ADAM12: variants seen among roughly 807,000 people sequenced by gnomAD.
ADAM12 encodes disintegrin and metalloproteinase domain-containing protein 12.
In ADAM12, 70 loss-of-function variants were observed where a neutral mutation model predicts 106.4. The ratio of observed to expected loss-of-function variants is 0.66; its 90% CI spans 0.54 to 0.80. ADAM12 has a LOEUF of 0.80. Ranked by LOEUF, ADAM12 falls within the 30% of genes least tolerant of loss-of-function variation. The pLI is 0.00. For synonymous variants in ADAM12, 420 were observed against 433.5 expected, an observed-to-expected ratio of 0.97 and a Z score of 0.39; for missense variants, 1,010 against 1,171.9, an observed-to-expected ratio of 0.86 and a Z score of 2.02.
chr10:126,310,550 G>T (rs1961037852), intron 2 of ADAM12, among the ~76,000 whole-genome samples: 1 of 152,148 alleles, frequency 6.6e-6, no homozygotes, highest in African/African-American at 2.4e-5. Flanking sequence ...CAAAACCCAT[G>T]GTACACAGCA....
chr10:126,382,860 AAGAAG>A (rs1282245554), intron 1 of ADAM12, among the ~76,000 whole-genome samples: 2 of 152,274 alleles, frequency 1.3e-5, no homozygotes, highest in Non-Finnish European at 2.9e-5. Flanking sequence ...CATTACAAAA[AAGAAG>A]AGGACACTAT....
At chr10:126,039,932 G>GTAGA (rs1424530408) in intron 18 of ADAM12, among the ~76,000 whole-genome samples, 5 of 152,194 alleles carry the variant, frequency 3.3e-5, no homozygotes, top group African/African-American at 9.7e-5. Context: ...ACATCTCAAA[G>GTAGA]TAGATAGTGA....
At chr10:126,240,232 T>C (rs1170532725) in intron 3 of ADAM12, among the ~76,000 whole-genome samples, 1 of 152,216 alleles carries the variant, frequency 6.6e-6, no homozygotes, top group Non-Finnish European at 1.5e-5. Context: ...AGGGGAACTA[T>C]ACAACCAAGA....
intron 3 of ADAM12, among the ~76,000 whole-genome samples, chr10:126,193,847 A>T (rs1957547864): frequency 6.6e-6 from 1 of 151,952 alleles, no homozygotes; most frequent in African/African-American, 2.4e-5. Flanking sequence ...TAGTGAGCTC[A>T]TGTCATTGCA....
chr10:126,283,177 C>T (rs769809281), intron 2 of ADAM12, among the ~76,000 whole-genome samples: 13 of 152,064 alleles, frequency 8.5e-5, no homozygotes, highest in Non-Finnish European at 1.6e-4. Flanking sequence ...TGACGGGAGG[C>T]GGAACTCAGG....
chr10:126,123,871 C>A (rs140659363), intron 5 of ADAM12, among the ~76,000 whole-genome samples: 1 of 152,202 alleles, frequency 6.6e-6, no homozygotes, highest in South Asian at 2.1e-4. Flanking sequence ...TGAAAACCAG[C>A]GGCCTTCCTT....
chr10:126,235,221 C>A (rs1958390569), intron 3 of ADAM12, among the ~76,000 whole-genome samples: 1 of 152,214 alleles, frequency 6.6e-6, no homozygotes, highest in African/African-American at 2.4e-5. Context: ...GGAAGCCACC[C>A]CCCAGGGAGG....
At chr10:126,176,741 G>A (rs963789553) in intron 3 of ADAM12, among the ~76,000 whole-genome samples, 1 of 152,152 alleles carries the variant, frequency 6.6e-6, no homozygotes, top group African/African-American at 2.4e-5. Context: ...ATTCCTAACG[G>A]CTCTGAACAA....
chr10:126,320,978 C>A (rs1408746543), intron 2 of ADAM12, among the ~76,000 whole-genome samples: 1 of 152,186 alleles, frequency 6.6e-6, no homozygotes, highest in Non-Finnish European at 1.5e-5. Context: ...ATATGTCTGA[C>A]TAAGTACTTA....
At chr10:126,154,445 G>A (rs887803592) in intron 4 of ADAM12, among the ~76,000 whole-genome samples, 1 of 152,210 alleles carries the variant, frequency 6.6e-6, no homozygotes, top group Non-Finnish European at 1.5e-5. Flanking sequence ...AAGTGTTGGT[G>A]TCATGCAGAG....
intron 1 of ADAM12, among the ~76,000 whole-genome samples, chr10:126,359,142 C>T (rs1347950563): frequency 1.3e-5 from 2 of 151,906 alleles, no homozygotes; most frequent in Non-Finnish European, 2.9e-5. Flanking sequence ...ATGGGAATGA[C>T]CTGCACCCAT....
chr10:126,073,040 T>TA (rs1439591448), intron 11 of ADAM12, among the ~76,000 whole-genome samples: 2 of 152,154 alleles, frequency 1.3e-5, no homozygotes, highest in Admixed American at 1.3e-4. Flanking sequence ...TCCCTTTTCT[T>TA]CCCCAAGTAT....
intron 3 of ADAM12, among the ~76,000 whole-genome samples, chr10:126,184,026 GA>G (rs1957358979): frequency 6.6e-6 from 1 of 152,140 alleles, no homozygotes; most frequent in African/African-American, 2.4e-5. Context: ...AAAAAAGTGT[GA>G]AATATCTAAT....
intron 4 of ADAM12, among the ~76,000 whole-genome samples, chr10:126,136,720 G>A (rs962279881): frequency 7.2e-5 from 11 of 152,160 alleles, no homozygotes; most frequent in African/African-American, 4.8e-5. Flanking sequence ...TGGGAAAGGG[G>A]CTAAGATGAT....
At chr10:126,258,483 C>T (rs1958937228) in intron 3 of ADAM12, among the ~76,000 whole-genome samples, 1 of 152,190 alleles carries the variant, frequency 6.6e-6, no homozygotes. Flanking sequence ...TTGTTTCATT[C>T]AGGAAGCCAT....
Position 126,188,351 on chromosome 10 carries a change from A to G in ADAM12, c.261-33046T>C, listed in dbSNP as rs1957436947. Among the ~76,000 whole-genome samples the G allele has an allele frequency of 2.6e-5, 4 of 152,218 alleles. No individual in the cohort carries two copies. In the South Asian group the frequency reaches 8.3e-4, roughly 31 times the overall value. On this transcript the variant is annotated intron_variant, in intron 3 of 22. Transcript: ENST00000448723. The stretch of plus-strand genomic sequence containing the variant: ...ATTCTTTGGCCACATCACTGTTGAA[A>G]AAGCCTTCAAGACTCAGTGTGGTCT...
chr10:126,261,150 A>T (rs7906274), intron 3 of ADAM12, among the ~76,000 whole-genome samples: 75,067 of 151,966 alleles, frequency 0.49, 18,778 homozygotes, highest in Non-Finnish European at 0.53. Flanking sequence ...TATTAGGGAC[A>T]TGAGCATATT....
At chr10:126,170,042 A>AGCTCG (rs1419583365) in intron 3 of ADAM12, among the ~76,000 whole-genome samples, 2 of 152,212 alleles carry the variant, frequency 1.3e-5, no homozygotes, top group Non-Finnish European at 2.9e-5. Flanking sequence ...TTACCCACCC[A>AGCTCG]GCTCGGTGAA....
intron 3 of ADAM12, among the ~76,000 whole-genome samples, chr10:126,209,853 A>C (rs575545447): frequency 6.6e-6 from 1 of 152,320 alleles, no homozygotes; most frequent in South Asian, 2.1e-4. Context: ...ACGACTCAAT[A>C]GATTTAGAGG....
Sources: gnomAD v4.1 joint callset for allele counts (sites outside exome capture counted in the v4.1 genomes callset) on GRCh38, gnomAD v4.1.1 for gene constraint, MANE v1.5 for transcripts, NCBI Gene and HGNC (gene_info 2026-07-23, HGNC 2026-07-21) for gene names.